Variants in DNAH5 observed in about 807,000 individuals in gnomAD.
The protein encoded by DNAH5 is dynein axonemal heavy chain 5.
In DNAH5, 372 loss-of-function variants were observed where a neutral mutation model predicts 518.2. That is an observed-to-expected ratio of 0.72 (90% CI 0.66 to 0.78). The LOEUF is 0.78. Among genes scored for constraint, DNAH5 ranks in the 30% least tolerant of loss-of-function variants. The pLI, the probability that DNAH5 is intolerant of heterozygous loss-of-function variation, is 0.00. For synonymous variants in DNAH5, 2,039 were observed against 2,025.9 expected (o/e 1.01, Z -0.17); for missense variants, 5,523 against 5,687.0 (o/e 0.97, Z 0.93).
chr5:13,718,947 A>C lies in DNAH5; in HGVS notation c.12434T>G (p.Met4145Arg). The change falls in exon 72 of 79, where the codon ATG becomes AGG. Residue 4145 changes from methionine to arginine, a missense_variant. Coordinates refer to ENST00000265104, the MANE Select transcript of DNAH5 (RefSeq NM_001369.3). ...AGGATCGTTGGCAAATTTAATGGACATCTGAAGGAGTGTAATGGGAAACTG... is the reference window on the plus strand; with the variant it reads ...AGGATCGTTGGCAAATTTAATGGACCTCTGAAGGAGTGTAATGGGAAACTG... ...HKQFPITLLQ[M>R]SIKFANDPPQ... 5 of 1,614,118 alleles carry C rather than the reference A, an allele frequency of 3.1e-6. No homozygotes were observed. Among genetic ancestry groups the C allele is most frequent in the Non-Finnish European group, 4.2e-6 (5 of 1,179,992 alleles).
intron 68 of DNAH5, among the ~76,000 whole-genome samples, chr5:13,734,206 T>C (rs1348780558): frequency 1.3e-5 from 2 of 152,262 alleles, no homozygotes; most frequent in Middle Eastern, 3.4e-3. Context: ...AGAAGACAGT[T>C]GTCTACAACC....
At chr5:13,940,881 T>C (rs1779397077) in intron 1 of DNAH5, among the ~76,000 whole-genome samples, 1 of 152,150 alleles carries the variant, frequency 6.6e-6, no homozygotes, top group Non-Finnish European at 1.5e-5. Flanking sequence ...TCTAGAAGGG[T>C]TTTTCCCTGC....
chr5:13,833,496 GAAT>G lies in DNAH5; in HGVS notation c.5883-2724_5883-2722del, dbSNP rs57261803. Among the ~76,000 whole-genome samples the G allele has an allele frequency of 6.6e-3, 991 of 149,670 alleles. 10 individuals are homozygous for G. The highest frequency in any genetic ancestry group is 0.023 in the African/African-American group (937 of 40,366). ...TTTTGACAAGCAACAGTGATAGCAA[GAAT>G]AATAATAATAATAACAAACATTTGC... is the stretch of plus-strand genomic sequence containing the variant. On this transcript the variant is annotated intron_variant, in intron 35 of 78. Transcript: ENST00000265104.
chr5:13,931,491 T>C (rs1488895573), intron 1 of DNAH5, among the ~76,000 whole-genome samples: 7 of 152,228 alleles, frequency 4.6e-5, no homozygotes, highest in African/African-American at 1.4e-4. Context: ...AAATCTGCCA[T>C]CCAGAAATTA....
rs756505987 is a variant in DNAH5 at position 13,868,004 on chromosome 5, T to A, written c.3835-12A>T. 6.4e-7 allele frequency: 1 copy of A among 1,553,150 alleles called. No individual in the cohort carries two copies. Among genetic ancestry groups the A allele is most frequent in the South Asian group, 1.1e-5 (1 of 89,318 alleles). ...AGGGCATAAGATTCCTAAAAAAAAA[T>A]AGGAAAAACTTAATTTTGGCCAGTC... On this transcript the variant is annotated splice_polypyrimidine_tract_variant and intron_variant, in intron 24 of 78. Coordinates refer to ENST00000265104, the MANE Select transcript of DNAH5 (RefSeq NM_001369.3).
intron 16 of DNAH5, among the ~76,000 whole-genome samples, 185 bp downstream of exon 16, chr5:13,894,465 G>A (rs115582425): frequency 6.6e-6 from 1 of 152,236 alleles, no homozygotes; most frequent in Non-Finnish European, 1.5e-5. Flanking sequence ...ATTAAATAGT[G>A]AATATTTATA....
At position 13,837,788 on chromosome 5, in the gene DNAH5, C is replaced by T. The variant is rs372491580; in HGVS notation, c.5882+1568G>A. Reference sequence around the variant, plus strand: ...CATGATCTTGTCTCACTGCAACCTCCGCCTCGGGTTCAAGTGATTCTCCTG... The same window carrying T: ...CATGATCTTGTCTCACTGCAACCTCTGCCTCGGGTTCAAGTGATTCTCCTG... On this transcript the variant is annotated intron_variant, in intron 35 of 78. Transcript: ENST00000265104. 8.5e-4 allele frequency among the ~76,000 whole-genome samples: 128 copies of T among 150,596 alleles called. 5 individuals are homozygous for T. In the South Asian group the frequency reaches 0.025, roughly 29 times the overall value.
chr5:13,958,443 T>C (rs1780928999), intron 1 of DNAH5, among the ~76,000 whole-genome samples: 1 of 152,158 alleles, frequency 6.6e-6, no homozygotes, highest in Non-Finnish European at 1.5e-5. Context: ...AAATTGCCTG[T>C]TCATGTCCCT....
chr5:13,912,699 C>G (rs1278940749), intron 11 of DNAH5, among the ~76,000 whole-genome samples: 4 of 151,036 alleles, frequency 2.6e-5, no homozygotes, highest in Non-Finnish European at 3.0e-5. Flanking sequence ...TTGTCTAAAA[C>G]AAGTATGGAA....
intron 55 of DNAH5, chr5:13,771,196 G>A: frequency 1.8e-6 from 1 of 553,822 alleles, no homozygotes; most frequent in South Asian, 2.1e-5. Context: ...AACACTTTAA[G>A]CCTATCAACA....
At chr5:13,807,848 T>C (rs960011084) in intron 46 of DNAH5, 123 bp from the exon 47 acceptor site, 5 of 857,700 alleles carry the variant, frequency 5.8e-6, no homozygotes, top group Non-Finnish European at 9.2e-6. Flanking sequence ...TGATTCTATT[T>C]GGAGATAAGG....
chr5:13,866,127 G>C, intron 26 of DNAH5, 93 bp downstream of exon 26: 2 of 1,163,324 alleles, frequency 1.7e-6, no homozygotes, highest in Non-Finnish European at 2.5e-6. Context: ...TTCCACAATA[G>C]GGCCCTCTAT....
intron 59 of DNAH5, among the ~76,000 whole-genome samples, chr5:13,763,719 C>A (rs1464864112): frequency 2.0e-5 from 3 of 152,186 alleles, no homozygotes; most frequent in Admixed American, 1.3e-4. Context: ...TCATTCAGAC[C>A]TCGTTTAATG....
chr5:13,891,170 G>GT (rs1245349092), intron 16 of DNAH5, 49 bp from the exon 17 acceptor site: 4 of 1,603,168 alleles, frequency 2.5e-6, no homozygotes, highest in African/African-American at 2.7e-5. Context: ...AAAGCATTTT[G>GT]TTTTTTAAAA....
intron 76 of DNAH5, among the ~76,000 whole-genome samples, chr5:13,702,538 G>T (rs2126417701): frequency 6.6e-6 from 1 of 152,296 alleles, no homozygotes; most frequent in African/African-American, 2.4e-5. Context: ...TACCGAGGTG[G>T]GTGATCTGGT....
intron 1 of DNAH5, among the ~76,000 whole-genome samples, chr5:13,990,911 C>T (rs1330889776): frequency 6.6e-6 from 1 of 152,160 alleles, no homozygotes; most frequent in Non-Finnish European, 1.5e-5. Context: ...AAAAAGATAA[C>T]ATTGAAATAT....
At chr5:13,939,361 A>T (rs879636874) in intron 1 of DNAH5, among the ~76,000 whole-genome samples, 2 of 152,208 alleles carry the variant, frequency 1.3e-5, no homozygotes, top group Non-Finnish European at 2.9e-5. Context: ...ACTACACAGA[A>T]TTCTACCCTG....
chr5:13,890,148 T>G (rs1054160168), intron 17 of DNAH5, among the ~76,000 whole-genome samples: 2 of 152,190 alleles, frequency 1.3e-5, no homozygotes, highest in Non-Finnish European at 2.9e-5. Flanking sequence ...GGCTCACGCC[T>G]GTAATCCCAG....
chr5:13,885,306 T>C (rs757810236), intron 18 of DNAH5, 78 bp from the exon 19 acceptor site: 30 of 1,527,570 alleles, frequency 2.0e-5, no homozygotes, highest in Admixed American at 5.1e-5. Flanking sequence ...GATAGACAGA[T>C]AGATAGAATC....
Sources: gnomAD v4.1 joint callset for allele counts (sites outside exome capture counted in the v4.1 genomes callset) on GRCh38, gnomAD v4.1.1 for gene constraint, MANE v1.5 for transcripts, NCBI Gene and HGNC (gene_info 2026-07-23, HGNC 2026-07-21) for gene names.